CNTNAP2: variants seen among roughly 807,000 people sequenced by gnomAD.
CNTNAP2 encodes contactin associated protein 2.
A neutral mutation model predicts 155.2 loss-of-function variants in CNTNAP2; 98 were observed. That is an observed-to-expected ratio of 0.63 (90% CI 0.54 to 0.75). CNTNAP2 has a LOEUF of 0.75. CNTNAP2 is among the 30% of genes least tolerant of loss of function. The pLI, the probability that CNTNAP2 is intolerant of heterozygous loss-of-function variation, is 0.00. For synonymous variants in CNTNAP2, 651 were observed against 631.2 expected (o/e 1.03, Z -0.47); for missense variants, 1,727 against 1,688.1 (o/e 1.02, Z -0.40).
At chr7:146,881,925 T>C (rs1476371289) in intron 3 of CNTNAP2, among the ~76,000 whole-genome samples, 1 of 152,002 alleles carries the variant, frequency 6.6e-6, no homozygotes, top group Non-Finnish European at 1.5e-5. Flanking sequence ...ATAGTGACCA[T>C]AGTACCCAAC....
chr7:146,613,024 A>G lies in CNTNAP2; in HGVS notation c.98-161247A>G, dbSNP rs541564224. On this transcript the variant is annotated intron_variant, in intron 1 of 23. Transcript: ENST00000361727. ...TCCCACTCACTACCAATTGCTCTCA[A>G]TATGATGACAATTTAAGAGAATTGT... Among the ~76,000 whole-genome samples the G allele has an allele frequency of 4.6e-5, 7 of 151,970 alleles. No homozygotes were observed. In the East Asian group the frequency reaches 1.4e-3, roughly 29 times the overall value.
chr7:148,211,616 C>A (rs1372245964), intron 18 of CNTNAP2, among the ~76,000 whole-genome samples: 1 of 152,190 alleles, frequency 6.6e-6, no homozygotes, highest in African/African-American at 2.4e-5. Context: ...CCCCTCAAGC[C>A]AGTTGCTTAA....
chr7:147,739,327 T>G (rs758634011), intron 13 of CNTNAP2, among the ~76,000 whole-genome samples: 6 of 152,160 alleles, frequency 3.9e-5, no homozygotes, highest in Admixed American at 6.6e-5. Context: ...ATGCCCTTCT[T>G]ACTATTTTTC....
At chr7:146,854,470 C>A (rs1794937683) in intron 3 of CNTNAP2, among the ~76,000 whole-genome samples, 1 of 152,010 alleles carries the variant, frequency 6.6e-6, no homozygotes, top group South Asian at 2.1e-4. Context: ...ATGAAAGAAA[C>A]CAGGAACTGT....
At chr7:147,339,236 T>G (rs1795715676) in intron 9 of CNTNAP2, among the ~76,000 whole-genome samples, 1 of 151,986 alleles carries the variant, frequency 6.6e-6, no homozygotes, top group African/African-American at 2.4e-5. Context: ...TATACATCAG[T>G]GTTGTGAGGT....
rs548525720 is a variant in CNTNAP2, at chr7:148,147,519, T to C, written c.2583T>C (p.Asp861=). The C allele has an allele frequency of 1.2e-6, 2 of 1,614,136 alleles. No homozygotes were observed. The highest frequency in any genetic ancestry group is 1.7e-6 in the Non-Finnish European group (2 of 1,180,028). Residue 861 remains aspartate (D), a synonymous_variant, in exon 17 of 24, where the codon GAT becomes GAC. Transcript: ENST00000361727. ...CCACAGAAGTGTCCTTTTCATTTGA[T>C]GTGGGAAATGGGCCAGTAGAGATTG... ...KSATEVSFSF[D]VGNGPVEIVV... is the part of the protein sequence containing the mutation.
chr7:146,545,510 T>A (rs2129141747), intron 1 of CNTNAP2, among the ~76,000 whole-genome samples: 1 of 151,822 alleles, frequency 6.6e-6, no homozygotes. Flanking sequence ...CCCCCCAACA[T>A]GCCCTACTGT....
chr7:146,558,005 A>G (rs552907266), intron 1 of CNTNAP2, among the ~76,000 whole-genome samples: 2 of 152,334 alleles, frequency 1.3e-5, no homozygotes, highest in South Asian at 4.1e-4. Flanking sequence ...CTGTAAGTTT[A>G]ATTAAGTCTC....
intron 15 of CNTNAP2, among the ~76,000 whole-genome samples, chr7:148,114,567 C>T (rs921857811): frequency 6.6e-6 from 1 of 152,142 alleles, no homozygotes; most frequent in African/African-American, 2.4e-5. Context: ...GCGCTATCAG[C>T]ACTGGAAAAG....
chr7:147,751,261 G>A (rs963124203), intron 13 of CNTNAP2, among the ~76,000 whole-genome samples: 11 of 151,708 alleles, frequency 7.3e-5, no homozygotes, highest in Non-Finnish European at 1.6e-4. Flanking sequence ...TCCGAAAACT[G>A]ATGTATTTAT....
Position 148,415,894 on chromosome 7 carries a change from ACT to A in CNTNAP2, c.*279_*280del, listed in dbSNP as rs1799976503. The A allele has an allele frequency of 5.3e-6, 3 of 560,782 alleles. No homozygotes were observed. In the South Asian group the frequency reaches 6.8e-5, roughly 13 times the overall value. The allele number at this position is 560,782 out of a possible 1,614,324, so 34.7% of individuals were successfully genotyped here. On this transcript the variant is annotated 3_prime_UTR_variant, in exon 24 of 24. Coordinates refer to ENST00000361727, the MANE Select transcript of CNTNAP2 (RefSeq NM_014141.6). Reference sequence around the variant, plus strand: ...TAAGCAATGGTTGAAATTTGTAGGTACTATCTGTCTTATTTTGTGTGTGTTTA... The same window carrying A: ...TAAGCAATGGTTGAAATTTGTAGGTAATCTGTCTTATTTTGTGTGTGTTTA...
At chr7:147,713,565 A>G (rs575309788) in intron 13 of CNTNAP2, among the ~76,000 whole-genome samples, 59 of 152,314 alleles carry the variant, frequency 3.9e-4, no homozygotes, top group African/African-American at 1.4e-3. Context: ...ACGTTTGGGT[A>G]ATTTCCAATG....
intron 1 of CNTNAP2, among the ~76,000 whole-genome samples, chr7:146,596,188 A>G (rs1052080326): frequency 2.1e-4 from 32 of 152,028 alleles, no homozygotes; most frequent in African/African-American, 7.5e-4. Context: ...ATAGATTTTC[A>G]GTCACTGTTA....
In CNTNAP2 at chr7:146,151,450, AT is replaced by A. The variant is rs59807872; in HGVS notation, c.97+34487del. 5.5e-3 allele frequency among the ~76,000 whole-genome samples: 793 copies of A among 145,496 alleles called. 5 individuals carry two copies. Among genetic ancestry groups the A allele is most frequent in the African/African-American group, 0.018 (734 of 39,914 alleles). On this transcript the variant is annotated intron_variant, in intron 1 of 23. Transcript: ENST00000361727. Reference sequence around the variant, plus strand: ...TTCTACTCTCTGCTTTATGAATTCAATTTTTTTTTTACATTTTATATATAAA... The same window carrying A: ...TTCTACTCTCTGCTTTATGAATTCAATTTTTTTTTACATTTTATATATAAA...
chr7:146,882,600 C>G (rs1007234345), intron 3 of CNTNAP2, among the ~76,000 whole-genome samples: 1 of 152,004 alleles, frequency 6.6e-6, no homozygotes, highest in Admixed American at 6.6e-5. Context: ...CTGAGGCCTC[C>G]CCAGCCATGC....
chr7:146,235,146 A>C (rs552602152), intron 1 of CNTNAP2, among the ~76,000 whole-genome samples: 1 of 152,136 alleles, frequency 6.6e-6, no homozygotes, highest in South Asian at 2.1e-4. Context: ...TTAAGATATC[A>C]GAGATAAAAG....
At chr7:148,379,617 G>T (rs1799008347) in intron 21 of CNTNAP2, among the ~76,000 whole-genome samples, 1 of 152,190 alleles carries the variant, frequency 6.6e-6, no homozygotes, top group African/African-American at 2.4e-5. Flanking sequence ...AGAGGCTGAG[G>T]TGGGAGGATT....
chr7:146,132,538 T>C lies in CNTNAP2; in HGVS notation c.97+15565T>C, dbSNP rs1797731281. Among the ~76,000 whole-genome samples, 4 of 150,168 alleles carry C rather than the reference T, an allele frequency of 2.7e-5. No homozygotes were observed. In the South Asian group the frequency reaches 8.6e-4, roughly 32 times the overall value. ...AACTAACTCGTCATCTAGCATTAGG[T>C]ATATCTCCCAATGCTATCCCTCCCC... On this transcript the variant is annotated intron_variant, in intron 1 of 23. Coordinates refer to ENST00000361727, the MANE Select transcript of CNTNAP2 (RefSeq NM_014141.6).
At chr7:147,142,044 T>A (rs1213982856) in intron 8 of CNTNAP2, among the ~76,000 whole-genome samples, 1 of 152,152 alleles carries the variant, frequency 6.6e-6, no homozygotes, top group East Asian at 1.9e-4. Context: ...CTTCCTCTTT[T>A]CCTAATTGAA....
Sources: gnomAD v4.1 joint callset for allele counts (sites outside exome capture counted in the v4.1 genomes callset) on GRCh38, gnomAD v4.1.1 for gene constraint, MANE v1.5 for transcripts, NCBI Gene and HGNC (gene_info 2026-07-23, HGNC 2026-07-21) for gene names.